Variants in TNPO1 observed in about 807,000 individuals in gnomAD.
The protein encoded by TNPO1 is transportin 1, also known as transportin-1.
In TNPO1, 8 loss-of-function variants were observed where a neutral mutation model predicts 119.5. The ratio of observed to expected loss-of-function variants is 0.07; its 90% CI spans 0.04 to 0.12. The LOEUF (loss-of-function observed/expected upper bound fraction) is 0.12. Among genes scored for constraint, TNPO1 ranks in the 10% least tolerant of loss-of-function variants. TNPO1 has a pLI of 1.00. For synonymous variants in TNPO1, 362 were observed against 363.0 expected (o/e 1.00, Z 0.03); for missense variants, 576 against 1,089.8 (o/e 0.53, Z 6.64).
Position 72,911,372 on chromosome 5 carries a change from G to A in TNPO1, c.*2699G>A, listed in dbSNP as rs1281836297. On this transcript the variant is annotated 3_prime_UTR_variant, in exon 25 of 25. Coordinates refer to ENST00000337273, the MANE Select transcript of TNPO1 (RefSeq NM_002270.4). ...ATTTGAAAATAGAAAATAAAATTAG[G>A]TAAATATGACTGGCAACCTGAATTT... 1.3e-5 allele frequency: 2 copies of A among 152,028 alleles called. No individual in the cohort carries two copies. The highest frequency in any genetic ancestry group is 2.9e-5 in the Non-Finnish European group (2 of 67,856). The allele number at this position is 152,028 out of a possible 1,614,324, so 9.4% of individuals were successfully genotyped here. A position where few individuals can be genotyped will look rare whatever the true frequency, so the allele number is the denominator to read the frequency against.
intron 1 of TNPO1, among the ~76,000 whole-genome samples, chr5:72,836,633 A>G (rs1744703592): frequency 6.6e-6 from 1 of 152,132 alleles, no homozygotes; most frequent in Admixed American, 6.5e-5. Flanking sequence ...TGTCCATACT[A>G]ATCTCCTTAT....
chr5:72,849,517 T>C (rs1163534139), intron 2 of TNPO1, among the ~76,000 whole-genome samples: 5 of 152,230 alleles, frequency 3.3e-5, no homozygotes, highest in Non-Finnish European at 7.3e-5. Context: ...TGAGTTTATT[T>C]ACATTTAAAA....
At chr5:72,889,179 T>A (rs1413381501) in intron 13 of TNPO1, among the ~76,000 whole-genome samples, 2 of 152,112 alleles carry the variant, frequency 1.3e-5, no homozygotes. Flanking sequence ...TGCCTCTGCC[T>A]CCTGAGTAGC....
chr5:72,892,837 A>G (rs1749161469), intron 15 of TNPO1, among the ~76,000 whole-genome samples: 2 of 152,306 alleles, frequency 1.3e-5, no homozygotes, highest in African/African-American at 4.8e-5. Flanking sequence ...TGGGAGCATG[A>G]AATGAATCTC....
intron 1 of TNPO1, among the ~76,000 whole-genome samples, chr5:72,819,903 C>T (rs1743878810): frequency 6.6e-6 from 1 of 152,156 alleles, no homozygotes; most frequent in Admixed American, 6.5e-5. Flanking sequence ...CATGTATTAA[C>T]TTTTCTATAA....
intron 20 of TNPO1, among the ~76,000 whole-genome samples, chr5:72,899,129 G>A (rs891368791): frequency 2.6e-5 from 4 of 152,134 alleles, no homozygotes; most frequent in Admixed American, 2.6e-4. Context: ...AAAAAAAATA[G>A]TGTGTAATTA....
At chr5:72,845,481 G>A (rs1745090598) in intron 1 of TNPO1, among the ~76,000 whole-genome samples, 1 of 152,148 alleles carries the variant, frequency 6.6e-6, no homozygotes, top group Non-Finnish European at 1.5e-5. Flanking sequence ...AAGTTTTGGA[G>A]ATGGATGCCA....
chr5:72,827,869 G>A (rs1424456958), intron 1 of TNPO1, among the ~76,000 whole-genome samples: 1 of 150,412 alleles, frequency 6.6e-6, no homozygotes, highest in Non-Finnish European at 1.5e-5. Flanking sequence ...GCAGTGATCT[G>A]TGGTCATGCC....
chr5:72,858,566 G>A (rs1003816830), intron 4 of TNPO1, among the ~76,000 whole-genome samples: 7 of 152,206 alleles, frequency 4.6e-5, no homozygotes, highest in African/African-American at 7.2e-5. Context: ...GGCCAGGTGC[G>A]GTGGCTCATG....
intron 1 of TNPO1, among the ~76,000 whole-genome samples, chr5:72,823,601 C>T (rs1348699592): frequency 2.0e-5 from 3 of 152,218 alleles, no homozygotes; most frequent in Non-Finnish European, 4.4e-5. Context: ...TCCCCTGCCC[C>T]TTACCCTCTT....
intron 1 of TNPO1, among the ~76,000 whole-genome samples, chr5:72,839,780 C>A (rs1022980042): frequency 2.6e-5 from 4 of 152,144 alleles, no homozygotes; most frequent in African/African-American, 9.7e-5. Flanking sequence ...TGGTTCTCAA[C>A]TGGCTATAAG....
chr5:72,827,775 C>T (rs1373480332), intron 1 of TNPO1, among the ~76,000 whole-genome samples: 1 of 151,802 alleles, frequency 6.6e-6, no homozygotes, highest in Admixed American at 6.6e-5. Flanking sequence ...TTTAAATTAG[C>T]TGGGCATGGT....
At chr5:72,902,353 A>T (rs1024488894) in intron 22 of TNPO1, among the ~76,000 whole-genome samples, 5 of 152,216 alleles carry the variant, frequency 3.3e-5, no homozygotes, top group African/African-American at 1.2e-4. Context: ...TCAAATTGAT[A>T]CAGGTGATAG....
At chr5:72,852,238 T>G (rs1745635252) in intron 3 of TNPO1, among the ~76,000 whole-genome samples, 1 of 152,298 alleles carries the variant, frequency 6.6e-6, no homozygotes, top group South Asian at 2.1e-4. Context: ...AAAGCCTGAG[T>G]AGTCTGATTT....
intron 1 of TNPO1, among the ~76,000 whole-genome samples, chr5:72,844,293 G>A (rs1271994229): frequency 6.6e-6 from 1 of 152,214 alleles, no homozygotes; most frequent in Non-Finnish European, 1.5e-5. Flanking sequence ...ATAGTATCCA[G>A]TATCAATCAT....
chr5:72,885,323 T>G lies in TNPO1; in HGVS notation c.1151-1747T>G, dbSNP rs1323812476. On this transcript the variant is annotated intron_variant, in intron 11 of 24. Transcript: ENST00000337273. ...CATGGTGTTTACTACTATTACAAAT[T>G]ACTTCCCAGTGTATCCCTACTTTCA... 3.3e-5 allele frequency among the ~76,000 whole-genome samples: 5 copies of G among 152,326 alleles called. No individual in the cohort carries two copies. In the East Asian group the frequency reaches 5.8e-4, roughly 18 times the overall value.
chr5:72,849,831 A>G (rs1385873790), intron 2 of TNPO1, among the ~76,000 whole-genome samples: 1 of 152,196 alleles, frequency 6.6e-6, no homozygotes, highest in Non-Finnish European at 1.5e-5. Flanking sequence ...ATAGAAGTTG[A>G]TAGTTGATTA....
intron 3 of TNPO1, among the ~76,000 whole-genome samples, chr5:72,851,792 C>G (rs1745589681): frequency 6.6e-6 from 1 of 152,198 alleles, no homozygotes; most frequent in Admixed American, 6.5e-5. Context: ...CTGTGCCCAG[C>G]CAGCATTCAT....
intron 23 of TNPO1, among the ~76,000 whole-genome samples, chr5:72,904,814 AG>A (rs1395454195): frequency 2.6e-5 from 4 of 152,162 alleles, no homozygotes; most frequent in Admixed American, 2.6e-4. Flanking sequence ...ACACACAAAA[AG>A]ATATGCCCAA....
Sources: gnomAD v4.1 joint callset for allele counts (sites outside exome capture counted in the v4.1 genomes callset) on GRCh38, gnomAD v4.1.1 for gene constraint, MANE v1.5 for transcripts, NCBI Gene and HGNC (gene_info 2026-07-23, HGNC 2026-07-21) for gene names.